The following ADAMTS13 variants were observed in gnomAD, a reference collection of about 807,000 sequenced individuals.
ADAMTS13 encodes A disintegrin and metalloproteinase with thrombospondin motifs 13.
ADAMTS13 carries 110 observed loss-of-function variants against 155.1 expected under a neutral mutation model. That is an observed-to-expected ratio of 0.71 (90% CI 0.61 to 0.83). The LOEUF is 0.83. Ranked by LOEUF, ADAMTS13 falls within the 40% of genes least tolerant of loss-of-function variation. The probability of loss-of-function intolerance (pLI) is 0.00; values close to 1 mark genes in which losing one functional copy is unlikely to be tolerated. For synonymous variants in ADAMTS13, 758 were observed against 756.4 expected (o/e 1.00, Z -0.03); for missense variants, 1,707 against 1,891.7 (o/e 0.90, Z 1.81).
In ADAMTS13 at chr9:133,454,537, C is replaced by G. The variant is rs376017677; in HGVS notation, c.3167C>G (p.Ala1056Gly). ...QDVEVDEAAC[A>G]ALVRPEASVP... ...GTGGAGGTGGACGAGGCGGCCTGTGCGGCGCTGGTGCGGCCCGAGGCCAGT... is the reference window on the plus strand; with the variant it reads ...GTGGAGGTGGACGAGGCGGCCTGTGGGGCGCTGGTGCGGCCCGAGGCCAGT... Residue 1056 changes from alanine (A) to glycine (G), a missense_variant, in exon 24 of 29, where the codon GCG (alanine) becomes GGG (glycine). Physicochemically the swap from Ala to Gly is moderately conservative, Grantham distance 60 (BLOSUM62 0). Around this residue, in one of 3 missense-constraint regions of ADAMTS13, gnomAD observed 961 missense variants for 1,107.9 expected, o/e 0.87. Coordinates refer to ENST00000355699, the MANE Select transcript of ADAMTS13 (RefSeq NM_139027.6). The G allele has an allele frequency of 1.2e-6, 2 of 1,609,952 alleles. No individual in the cohort carries two copies. The highest frequency in any genetic ancestry group is 2.7e-5 in the African/African-American group (2 of 75,056).
Position 133,454,451 on chromosome 9 carries a change from C to CTG in ADAMTS13, c.3084_3085dup (p.Gly1029ValfsTer93). On this transcript the variant is annotated frameshift_variant, in exon 24 of 29. Transcript: ENST00000355699. LOFTEE classifies it high-confidence loss of function. ...TGTCCCTTGGCCCATGTTCGGCCAG[C>CTG]TGTGGCCTTGGCACTGCTAGACGCT... 6.2e-7 allele frequency: 1 copy of CTG among 1,613,804 alleles called. No homozygotes were observed. Among genetic ancestry groups the CTG allele is most frequent in the South Asian group, 1.1e-5 (1 of 91,088 alleles).
intron 8 of ADAMTS13, among the ~76,000 whole-genome samples, chr9:133,430,773 G>A (rs1426373051): frequency 1.4e-5 from 2 of 144,202 alleles, no homozygotes; most frequent in Non-Finnish European, 3.0e-5. Context: ...CCATTCTCCT[G>A]CCTCAGCCTC....
upstream of ADAMTS13, among the ~76,000 whole-genome samples, chr9:133,419,997 C>T (rs1261585720): frequency 2.6e-5 from 4 of 152,148 alleles, no homozygotes; most frequent in Admixed American, 1.3e-4. Flanking sequence ...CTCCACCTCC[C>T]GGGTTCAAGT....
upstream of ADAMTS13, chr9:133,422,082 T>G: frequency 3.5e-6 from 1 of 289,562 alleles, no homozygotes; most frequent in Non-Finnish European, 6.5e-6. Context: ...GGTCCTGGCA[T>G]TCCTTGTGAA....
chr9:133,449,782 G>A lies in ADAMTS13; in HGVS notation c.2862-1G>A. Reference sequence around the variant, plus strand: ...GGGTCCCTGACTCCAGTTTGCTCCAGGTGGCAGTACAAGCTGGCGGCCTGC... The same window carrying A: ...GGGTCCCTGACTCCAGTTTGCTCCAAGTGGCAGTACAAGCTGGCGGCCTGC... On this transcript the variant is annotated splice_acceptor_variant, in intron 22 of 28. Transcript: ENST00000355699. LOFTEE classifies it high-confidence loss of function. 6.2e-7 allele frequency: 1 copy of A among 1,613,850 alleles called. No homozygotes were observed. Among genetic ancestry groups the A allele is most frequent in the Non-Finnish European group, 8.5e-7 (1 of 1,180,036 alleles).
Position 133,455,403 on chromosome 9 carries a change from G to A in ADAMTS13, c.3368G>A (p.Arg1123His), listed in dbSNP as rs782311861. 9 of 1,612,658 alleles carry A rather than the reference G, an allele frequency of 5.6e-6. No homozygotes were observed. The highest frequency in any genetic ancestry group is 2.2e-5 in the South Asian group (2 of 91,086). The change falls in exon 25 of 29, where the codon CGT (arginine) becomes CAT (histidine). Residue 1123 changes from arginine to histidine, a missense_variant. Around this residue, in one of 3 missense-constraint regions of ADAMTS13, gnomAD observed 961 missense variants for 1,107.9 expected, o/e 0.87. Coordinates refer to ENST00000355699, the MANE Select transcript of ADAMTS13 (RefSeq NM_139027.6). The stretch of plus-strand genomic sequence containing the variant: ...CACTTGCCCAAGCCGGTGACTGTGC[G>A]TGGCTGCTGGGCTGGGCCCTGTGTG... Reference protein sequence around the residue: ...CQHLPKPVTVRGCWAGPCVGQ... With the variant: ...CQHLPKPVTVHGCWAGPCVGQ...
At chr9:133,453,699 C>T (rs1037429326) in intron 23 of ADAMTS13, among the ~76,000 whole-genome samples, 1 of 152,106 alleles carries the variant, frequency 6.6e-6, no homozygotes, top group Non-Finnish European at 1.5e-5. Flanking sequence ...AATAAAATTT[C>T]TGCGATGCAC....
Position 133,443,458 on chromosome 9 carries a change from C to A in ADAMTS13, c.2317C>A (p.Gln773Lys). Residue 773 changes from glutamine (Q) to lysine (K), a missense_variant, in exon 19 of 29, where the codon CAG becomes AAG. Transcript: ENST00000355699. ...RERPVRCVEA[Q>K]GSLLKTLPPA... ...GCGGCCAGTGCGCTGCGTGGAGGCC[C>A]AGGGCAGCCTCCTGAAGACATTGCC... The A allele has an allele frequency of 6.3e-7, 1 of 1,592,490 alleles. No individual in the cohort carries two copies. The highest frequency in any genetic ancestry group is 2.3e-5 in the East Asian group (1 of 44,162).
In ADAMTS13 at chr9:133,428,628, G is replaced by T. The variant is rs1270253999; in HGVS notation, c.687-6G>T. 2.0e-5 allele frequency: 21 copies of T among 1,070,466 alleles called. No individual in the cohort carries two copies. Among genetic ancestry groups the T allele is most frequent in the African/African-American group, 2.5e-5 (1 of 40,540 alleles). 66.3% of individuals were successfully genotyped at this position (1,070,466 alleles called of 1,614,324 possible). ...GCCTTAGCGCAACTCCCCGCCCCCCGACCAGCTTCGGCCTGGAGCACGACG... is the reference window on the plus strand; with the variant it reads ...GCCTTAGCGCAACTCCCCGCCCCCCTACCAGCTTCGGCCTGGAGCACGACG... On this transcript the variant is annotated splice_polypyrimidine_tract_variant and splice_region_variant and intron_variant, in intron 6 of 28. Transcript: ENST00000355699.
Position 133,445,816 on chromosome 9 carries a change from C to T in ADAMTS13, c.2728C>T (p.Arg910Ter), listed in dbSNP as rs781844824. 13 of 1,578,650 alleles carry T rather than the reference C, an allele frequency of 8.2e-6. No homozygotes were observed. The highest frequency in any genetic ancestry group is 6.7e-5 in the African/African-American group (5 of 74,310). Residue 910 changes from arginine (R) to a stop codon, truncating the protein, a stop_gained, in exon 21 of 29, where the codon CGA becomes TGA. Coordinates refer to ENST00000355699, the MANE Select transcript of ADAMTS13 (RefSeq NM_139027.6). LOFTEE classifies it high-confidence loss of function. This position sits in a 1 kb window ranked among gnomAD's most constrained non-coding sequence, Gnocchi z 5.0. ...AAGSCSVSCGRGLMELRFLCM... is the reference protein window; with the variant it reads ...AAGSCSVSCG ...AGGGTCGTGCTCCGTCTCCTGCGGGCGAGGTGAGGGCCCCCGGGATGCTCC... is the reference window on the plus strand; with the variant it reads ...AGGGTCGTGCTCCGTCTCCTGCGGGTGAGGTGAGGGCCCCCGGGATGCTCC...
chr9:133,429,806 C>T (rs1470007623), intron 7 of ADAMTS13, 133 bp from the exon 8 acceptor site: 2 of 1,236,266 alleles, frequency 1.6e-6, no homozygotes, highest in Non-Finnish European at 2.3e-6. Flanking sequence ...GGGGCGCGGG[C>T]CGAGAACTCC....
intron 23 of ADAMTS13, among the ~76,000 whole-genome samples, chr9:133,453,933 G>A (rs1036645539): frequency 1.1e-4 from 17 of 152,086 alleles, no homozygotes; most frequent in African/African-American, 3.9e-4. Flanking sequence ...CTCCCTTGCA[G>A]GCTGCCTGGG....
At position 133,459,378 on chromosome 9, in the gene ADAMTS13, G is replaced by A. The variant is rs1162309119; in HGVS notation, c.*198G>A. On this transcript the variant is annotated 3_prime_UTR_variant, in exon 29 of 29. Coordinates refer to ENST00000355699, the MANE Select transcript of ADAMTS13 (RefSeq NM_139027.6). ...CCTCGGGTACCAATAAATAAAACATGCAGGCTGACCGGCGTTTTTTTCTTA... is the reference window on the plus strand; with the variant it reads ...CCTCGGGTACCAATAAATAAAACATACAGGCTGACCGGCGTTTTTTTCTTA... 6 of 699,604 alleles carry A rather than the reference G, an allele frequency of 8.6e-6. No homozygotes were observed. The Admixed American group carries it at 1.2e-4, about 14-fold the overall frequency. 43.3% of individuals were successfully genotyped at this position (699,604 alleles called of 1,614,324 possible).
At chr9:133,454,719 T>TC in intron 24 of ADAMTS13, 100 bp downstream of exon 24, 1 of 1,404,004 alleles carries the variant, frequency 7.1e-7, no homozygotes, top group Non-Finnish European at 9.7e-7. Context: ...GCTCATCGTG[T>TC]CCCCTGAAAG....
intron 7 of ADAMTS13, 144 bp downstream of exon 7, chr9:133,428,915 A>T: frequency 1.2e-6 from 1 of 827,160 alleles, no homozygotes; most frequent in Non-Finnish European, 1.4e-6. Context: ...CCCTCCGTCC[A>T]ACCCCGCGCC....
chr9:133,437,417 G>T (rs1315804104), intron 12 of ADAMTS13, among the ~76,000 whole-genome samples: 3 of 152,040 alleles, frequency 2.0e-5, no homozygotes, highest in African/African-American at 4.8e-5. Flanking sequence ...CTACCATGCC[G>T]GCTAATTTTT....
At chr9:133,415,053 A>G (rs782520078) in intron 1 of ADAMTS13, 9 of 1,519,262 alleles carry the variant, frequency 5.9e-6, no homozygotes, top group Admixed American at 4.3e-5. Flanking sequence ...TGAATTTGGA[A>G]ATTACACACA....
At chr9:133,450,868 C>T (rs1842396546) in intron 23 of ADAMTS13, among the ~76,000 whole-genome samples, 1 of 152,198 alleles carries the variant, frequency 6.6e-6, no homozygotes, top group Admixed American at 6.5e-5. Flanking sequence ...GAAGTTTAAG[C>T]ACCATGCAGG....
chr9:133,416,798 G>T (rs991766334), intron 1 of ADAMTS13, among the ~76,000 whole-genome samples: 1 of 152,246 alleles, frequency 6.6e-6, no homozygotes, highest in Non-Finnish European at 1.5e-5. Flanking sequence ...GTACAATAGC[G>T]ATGATGGAAG....
Sources: gnomAD v4.1 joint callset for allele counts (sites outside exome capture counted in the v4.1 genomes callset) on GRCh38, gnomAD v4.1.1 for gene constraint, gnomAD v4.1.1 regional missense constraint, Gnocchi (gnomAD v3.1) non-coding constraint, MANE v1.5 for transcripts, NCBI Gene and HGNC (gene_info 2026-07-23, HGNC 2026-07-21) for gene names.